RBM33: variants seen among roughly 807,000 people sequenced by gnomAD.
RBM33 encodes the protein RNA-binding protein 33.
In RBM33, 28 loss-of-function variants were observed where a neutral mutation model predicts 132.6. The observed-to-expected ratio is 0.21, with a 90% CI of 0.16 to 0.29. The LOEUF (loss-of-function observed/expected upper bound fraction) is 0.29, where lower values mean the gene tolerates loss of function less well. RBM33 is among the 10% of genes least tolerant of loss of function. The pLI is 1.00. For missense variants in RBM33, 1,291 were observed against 1,518.5 expected (o/e 0.85, Z 2.49); for synonymous variants, 634 against 593.0 (o/e 1.07, Z -1.01).
At position 155,779,573 on chromosome 7, in the gene RBM33, T is replaced by G. The variant is rs536528691; in HGVS notation, c.*4532T>G. The G allele has an allele frequency of 7.9e-5, 12 of 152,368 alleles. No individual in the cohort carries two copies. The highest frequency in any genetic ancestry group is 7.2e-4 in the Admixed American group (11 of 15,300). 9.4% of individuals were successfully genotyped at this position (152,368 alleles called of 1,614,324 possible). Reference sequence around the variant, plus strand: ...TTTTATGTAAGGTTTTTTTGCAACCTATTTAATTTTTTTTAAATGCCTAAC... The same window carrying G: ...TTTTATGTAAGGTTTTTTTGCAACCGATTTAATTTTTTTTAAATGCCTAAC... On this transcript the variant is annotated 3_prime_UTR_variant, in exon 18 of 18. Coordinates refer to ENST00000401878, the MANE Select transcript of RBM33 (RefSeq NM_053043.3).
intron 5 of RBM33, among the ~76,000 whole-genome samples, chr7:155,689,083 C>T (rs1237714454): frequency 6.6e-6 from 1 of 152,138 alleles, no homozygotes; most frequent in Non-Finnish European, 1.5e-5. Context: ...TAGAATTCGG[C>T]TGTGAATCCA....
intron 7 of RBM33, among the ~76,000 whole-genome samples, chr7:155,709,948 T>G (rs1375181668): frequency 6.6e-6 from 1 of 152,232 alleles, no homozygotes; most frequent in Admixed American, 6.5e-5. Flanking sequence ...TTCTTGCTCT[T>G]TGTCAGACTA....
chr7:155,685,807 TAA>T (rs1446778608), intron 5 of RBM33, among the ~76,000 whole-genome samples: 1 of 152,252 alleles, frequency 6.6e-6, no homozygotes, highest in African/African-American at 2.4e-5. Context: ...GAGTTTTTCT[TAA>T]TACAGTTTTC....
intron 16 of RBM33, among the ~76,000 whole-genome samples, chr7:155,771,206 T>C (rs1802416270): frequency 6.6e-6 from 1 of 152,180 alleles, no homozygotes; most frequent in Non-Finnish European, 1.5e-5. Flanking sequence ...AGCGTGTTGC[T>C]CAGGTGTGTA....
At chr7:155,679,349 C>G (rs577921100) in intron 4 of RBM33, among the ~76,000 whole-genome samples, 1 of 152,222 alleles carries the variant, frequency 6.6e-6, no homozygotes, top group South Asian at 2.1e-4. Flanking sequence ...CAGTTCGATA[C>G]TGCTGCATTT....
intron 1 of RBM33, among the ~76,000 whole-genome samples, chr7:155,655,534 C>CGT (rs1554465866): frequency 1.2e-5 from 1 of 80,114 alleles, no homozygotes; most frequent in Non-Finnish European, 2.2e-5. Context: ...GGCTGTTTGC[C>CGT]TTTTTTTTTT....
At chr7:155,660,003 C>T (rs985022014) in intron 1 of RBM33, among the ~76,000 whole-genome samples, 11 of 152,202 alleles carry the variant, frequency 7.2e-5, no homozygotes, top group East Asian at 1.9e-4. Flanking sequence ...AGACATCAGT[C>T]GTCATTGAAT....
At chr7:155,673,940 G>GTTGTTGTTTGTTTTTGTTTTTTTTTTT in intron 3 of RBM33, among the ~76,000 whole-genome samples, 13 of 54,214 alleles carry the variant, frequency 2.4e-4, no homozygotes, top group Non-Finnish European at 4.2e-4. Flanking sequence ...TTTAGGCTTA[G>GTTGTTGTTTGTTTTTGTTTTTTTTTTT]TTTTTTTTTT....
intron 9 of RBM33, among the ~76,000 whole-genome samples, chr7:155,733,126 T>G (rs1432632414): frequency 6.6e-6 from 1 of 152,090 alleles, no homozygotes; most frequent in African/African-American, 2.4e-5. Flanking sequence ...GCATTTTGGC[T>G]GAGACAGAAA....
intron 2 of RBM33, among the ~76,000 whole-genome samples, chr7:155,666,538 A>T (rs1798806716): frequency 6.6e-6 from 1 of 152,220 alleles, no homozygotes; most frequent in Non-Finnish European, 1.5e-5. Context: ...AAAGTTAGAT[A>T]GTGCTTAAAA....
At position 155,776,708 on chromosome 7, in the gene RBM33, TCCAGAGTGTC is replaced by T. The variant is rs1802624170; in HGVS notation, c.*1672_*1681del. 1 of 152,252 alleles carries T rather than the reference TCCAGAGTGTC, an allele frequency of 6.6e-6. No individual in the cohort carries two copies. Among genetic ancestry groups the T allele is most frequent in the Non-Finnish European group, 1.5e-5 (1 of 68,070 alleles). The allele number at this position is 152,252 out of a possible 1,614,324, so 9.4% of individuals were successfully genotyped here. On this transcript the variant is annotated 3_prime_UTR_variant, in exon 18 of 18. Coordinates refer to ENST00000401878, the MANE Select transcript of RBM33 (RefSeq NM_053043.3). The surrounding 1 kb of genome is among the most constrained non-coding windows in gnomAD (Gnocchi z 4.0). ...GCAGCTGTGCTGCCGCCACCTCTGC[TCCAGAGTGTC>T]CCAGCCAACCCTCGGAAGATGGGAT...
At chr7:155,681,596 C>T (rs1383506514) in intron 5 of RBM33, among the ~76,000 whole-genome samples, 3 of 151,186 alleles carry the variant, frequency 2.0e-5, no homozygotes, top group Non-Finnish European at 4.4e-5. Context: ...AAGCATGTAA[C>T]GAAATTTATG....
In RBM33 at chr7:155,780,399, A is replaced by G. The variant is rs1336102523; in HGVS notation, c.*5358A>G. The G allele has an allele frequency of 6.6e-6, 1 of 152,214 alleles. No homozygotes were observed. The highest frequency in any genetic ancestry group is 2.4e-5 in the African/African-American group (1 of 41,438). 9.4% of individuals were successfully genotyped at this position (152,214 alleles called of 1,614,324 possible). ...TAATTCCACTGTTTAATTTTCAGGT[A>G]CCACAGCAGCAAAGCACAGAGTGTG... On this transcript the variant is annotated 3_prime_UTR_variant, in exon 18 of 18. Transcript: ENST00000401878.
chr7:155,735,711 CT>C (rs1472227316), intron 9 of RBM33, among the ~76,000 whole-genome samples: 4 of 134,228 alleles, frequency 3.0e-5, no homozygotes, highest in East Asian at 2.2e-4. Context: ...CTCTCTCTCT[CT>C]CTCTCTGTCT....
chr7:155,668,239 T>C (rs566610143), intron 2 of RBM33, among the ~76,000 whole-genome samples: 49 of 152,334 alleles, frequency 3.2e-4, no homozygotes, highest in Admixed American at 5.2e-4. Context: ...TATGTGTCTG[T>C]GTGCTTTTTG....
chr7:155,737,512 G>A lies in RBM33; in HGVS notation c.1261-18G>A. ...CTGTCCTTCACCCTGTTTCTCTGTT[G>A]TTGTTGTTGTTCTTTAGGGCCCTCC... On this transcript the variant is annotated intron_variant, in intron 9 of 17. Coordinates refer to ENST00000401878, the MANE Select transcript of RBM33 (RefSeq NM_053043.3). 6.3e-7 allele frequency: 1 copy of A among 1,577,262 alleles called. No homozygotes were observed. The highest frequency in any genetic ancestry group is 1.2e-5 in the South Asian group (1 of 84,446).
rs1252261594 is a variant in RBM33, at chr7:155,707,936, G to A, written c.948+868G>A. Among the ~76,000 whole-genome samples the A allele has an allele frequency of 4.6e-5, 7 of 152,248 alleles. No individual in the cohort carries two copies. The East Asian group carries it at 7.7e-4, about 17-fold the overall frequency. ...CAGCCTCCCAGAGTGCTGGGATTAC[G>A]GGCGTGAGCCACTGGGCCCAACCTA... On this transcript the variant is annotated intron_variant, in intron 7 of 17. Transcript: ENST00000401878.
rs571295140 is a variant in RBM33, at chr7:155,750,197, GA to G, written c.2979+4598del. 1.8e-4 allele frequency among the ~76,000 whole-genome samples: 27 copies of G among 152,232 alleles called. No homozygotes were observed. In the East Asian group the frequency reaches 4.6e-3, roughly 26 times the overall value. On this transcript the variant is annotated intron_variant, in intron 14 of 17. Transcript: ENST00000401878. The stretch of plus-strand genomic sequence containing the variant: ...TTCTCTTTTAATTACTTAGAATATA[GA>G]AATATTCTCCATTTGCCCATTTCTC...
chr7:155,768,640 G>A (rs6958363), intron 16 of RBM33, among the ~76,000 whole-genome samples: 32 of 152,202 alleles, frequency 2.1e-4, no homozygotes, highest in African/African-American at 7.0e-4. Flanking sequence ...TTTTGGAGAC[G>A]GAGTCTCGCT....
Sources: allele counts gnomAD v4.1 joint callset (sites outside exome capture counted in the v4.1 genomes callset), GRCh38; gene constraint gnomAD v4.1.1; non-coding constraint Gnocchi (gnomAD v3.1); transcripts MANE v1.5; gene names NCBI Gene and HGNC (gene_info 2026-07-23, HGNC 2026-07-21).